The following ATP10A variants were observed in gnomAD, a reference collection of about 807,000 sequenced individuals.
ATP10A encodes phospholipid-transporting ATPase VA.
In ATP10A, 111 loss-of-function variants were observed where a neutral mutation model predicts 147.8. The ratio of observed to expected loss-of-function variants is 0.75; its 90% CI spans 0.64 to 0.88. The LOEUF (loss-of-function observed/expected upper bound fraction) is 0.88. Ranked by LOEUF, ATP10A falls within the 40% of genes least tolerant of loss-of-function variation. The probability of loss-of-function intolerance (pLI) is 0.00; values close to 1 mark genes in which losing one functional copy is unlikely to be tolerated. For synonymous variants in ATP10A, 875 were observed against 841.6 expected, an observed-to-expected ratio of 1.04 and a Z score of -0.69; for missense variants, 1,927 against 1,959.0, an observed-to-expected ratio of 0.98 and a Z score of 0.31.
intron 2 of ATP10A, among the ~76,000 whole-genome samples, chr15:25,770,075 T>C (rs528302621): frequency 1.5e-4 from 23 of 152,256 alleles, no homozygotes; most frequent in African/African-American, 5.5e-4. Context: ...ATTTCTGCAG[T>C]TTAAGCCGCC....
intron 8 of ATP10A, among the ~76,000 whole-genome samples, chr15:25,717,878 T>A (rs1901919555): frequency 6.6e-6 from 1 of 152,196 alleles, no homozygotes; most frequent in South Asian, 2.1e-4. Context: ...TTAGCGGTTG[T>A]CATCTTGTCC....
chr15:25,855,316 T>C (rs1893466242), intron 1 of ATP10A, among the ~76,000 whole-genome samples: 1 of 152,142 alleles, frequency 6.6e-6, no homozygotes, highest in South Asian at 2.1e-4. Context: ...GAATGCAAGA[T>C]TGGTTTAACA....
chr15:25,759,768 T>A (rs1428021779), intron 2 of ATP10A, among the ~76,000 whole-genome samples: 1 of 149,758 alleles, frequency 6.7e-6, no homozygotes, highest in Non-Finnish European at 1.5e-5. Flanking sequence ...GAGATCACAC[T>A]ACTGTACTCC....
intron 1 of ATP10A, among the ~76,000 whole-genome samples, chr15:25,786,740 C>T (rs1890183573): frequency 6.8e-6 from 1 of 146,414 alleles, no homozygotes. Flanking sequence ...ATTCTCCTGC[C>T]TCAGCCTTCC....
chr15:25,803,346 G>A (rs1035133490), intron 1 of ATP10A, among the ~76,000 whole-genome samples: 7 of 152,216 alleles, frequency 4.6e-5, no homozygotes, highest in Non-Finnish European at 1.0e-4. Flanking sequence ...CACACACCAG[G>A]TGCTAAGGAT....
rs542049786 is a variant in ATP10A at position 25,808,663 on chromosome 15, C to T, written c.450-27440G>A. On this transcript the variant is annotated intron_variant, in intron 1 of 20. Transcript: ENST00000555815. ...ACTCCCCAAGTTCTGGGATTACAAG[C>T]GTGAGCCACAGTGCCTGGCTGAGAA... Among the ~76,000 whole-genome samples, 7 of 152,320 alleles carry T rather than the reference C, an allele frequency of 4.6e-5. 1 individual carries two copies. The South Asian group carries it at 1.0e-3, about 23-fold the overall frequency.
At chr15:25,833,981 G>T (rs538254552) in intron 1 of ATP10A, among the ~76,000 whole-genome samples, 1 of 147,772 alleles carries the variant, frequency 6.8e-6, no homozygotes, top group South Asian at 2.2e-4. Context: ...CAAAAAAAAC[G>T]AACAAACAAA....
At chr15:25,710,312 A>G (rs1330592063) in intron 10 of ATP10A, 1 of 152,244 alleles carries the variant, frequency 6.6e-6, no homozygotes, top group Non-Finnish European at 1.5e-5. Context: ...GACAGTCGAG[A>G]GCTCTGTGCT....
At chr15:25,776,705 C>T (rs556581057) in intron 2 of ATP10A, among the ~76,000 whole-genome samples, 75 of 152,320 alleles carry the variant, frequency 4.9e-4, no homozygotes, top group African/African-American at 1.7e-3. Context: ...GTCTAGGCCT[C>T]GCCTTCAGAT....
intron 17 of ATP10A, among the ~76,000 whole-genome samples, chr15:25,681,356 T>C (rs553928748): frequency 1.3e-5 from 2 of 152,196 alleles, no homozygotes; most frequent in Non-Finnish European, 1.5e-5. Context: ...CGTTTATCCT[T>C]GTAGTCAAGG....
rs150843943 is a variant in ATP10A, at chr15:25,694,064, T to C, written c.3088+755A>G. ...GGGGTCACGGCCACTGCTTCCTTCC[T>C]GGCCCTCACCAGGAGGTGGTGCTGC... On this transcript the variant is annotated intron_variant, in intron 14 of 20. Transcript: ENST00000555815. 3.3e-5 allele frequency among the ~76,000 whole-genome samples: 5 copies of C among 152,048 alleles called. No individual in the cohort carries two copies. In the East Asian group the frequency reaches 9.7e-4, roughly 29 times the overall value.
chr15:25,709,008 A>AG (rs1901225285), intron 10 of ATP10A: 1 of 152,464 alleles, frequency 6.6e-6, no homozygotes, highest in Admixed American at 6.5e-5. Context: ...CACCTGAAAG[A>AG]GGACCCGGTA....
chr15:25,766,141 C>T (rs949063234), intron 2 of ATP10A, among the ~76,000 whole-genome samples: 2 of 152,148 alleles, frequency 1.3e-5, no homozygotes, highest in Non-Finnish European at 2.9e-5. Context: ...CCCTCATAAA[C>T]CCATCAGGTC....
intron 13 of ATP10A, among the ~76,000 whole-genome samples, chr15:25,697,398 T>G (rs1276453013): frequency 6.6e-6 from 1 of 152,178 alleles, no homozygotes; most frequent in African/African-American, 2.4e-5. Context: ...AATCCAAAAC[T>G]TCTTAGCATA....
In ATP10A at chr15:25,806,375, C is replaced by T. The variant is rs189526948; in HGVS notation, c.450-25152G>A. Among the ~76,000 whole-genome samples, 247 of 151,986 alleles carry T rather than the reference C, an allele frequency of 1.6e-3. 1 individual carries two copies. The highest frequency in any genetic ancestry group is 2.6e-3 in the Non-Finnish European group (180 of 67,994). ...TCGCCCAGGCTGGAGTGCAGTGGCACGATCTCTGCTCACTGCAAGCTCTGC... is the reference window on the plus strand; with the variant it reads ...TCGCCCAGGCTGGAGTGCAGTGGCATGATCTCTGCTCACTGCAAGCTCTGC... On this transcript the variant is annotated intron_variant, in intron 1 of 20. Coordinates refer to ENST00000555815, the MANE Select transcript of ATP10A (RefSeq NM_024490.4).
chr15:25,746,979 T>C (rs550527984), intron 2 of ATP10A, among the ~76,000 whole-genome samples: 1 of 152,126 alleles, frequency 6.6e-6, no homozygotes, highest in Non-Finnish European at 1.5e-5. Flanking sequence ...AAAAACTTCT[T>C]GTCTTAAGTA....
At chr15:25,672,872 G>A (rs779150747), downstream of ATP10A, among the ~76,000 whole-genome samples, 2 of 152,176 alleles carry the variant, frequency 1.3e-5, no homozygotes, top group Non-Finnish European at 2.9e-5. Flanking sequence ...GGAAATCATG[G>A]TGCCTGGGAG....
chr15:25,843,637 A>G (rs945871954), intron 1 of ATP10A, among the ~76,000 whole-genome samples: 3 of 152,082 alleles, frequency 2.0e-5, no homozygotes, highest in Admixed American at 1.3e-4. Flanking sequence ...CCCAGACTCC[A>G]TCTACTCAGA....
At chr15:25,690,368 T>A (rs781450332) in intron 15 of ATP10A, among the ~76,000 whole-genome samples, 57 of 152,136 alleles carry the variant, frequency 3.7e-4, no homozygotes, top group South Asian at 6.2e-4. Flanking sequence ...CTCAGCCCCC[T>A]AAGTAGCTGG....
Sources: gnomAD v4.1 joint callset for allele counts (sites outside exome capture counted in the v4.1 genomes callset) on GRCh38, gnomAD v4.1.1 for gene constraint, MANE v1.5 for transcripts, NCBI Gene and HGNC (gene_info 2026-07-23, HGNC 2026-07-21) for gene names.